The following STAMBPL1 variants were observed in gnomAD, a reference collection of about 807,000 sequenced individuals.
The protein encoded by STAMBPL1 is AMSH-like protease.
STAMBPL1 carries 44 observed loss-of-function variants against 52.9 expected under a neutral mutation model. The ratio of observed to expected loss-of-function variants is 0.83; its 90% confidence interval spans 0.65 to 1.07. The LOEUF (loss-of-function observed/expected upper bound fraction) is 1.07, where lower values mean the gene tolerates loss of function less well. STAMBPL1 is among the 50% of genes least tolerant of loss of function. The pLI is 0.00. For missense variants in STAMBPL1, 511 were observed against 520.8 expected (o/e 0.98, Z 0.18); for synonymous variants, 164 against 177.3 (o/e 0.92, Z 0.60).
chr10:88,909,089 A>G (rs1375626340), intron 4 of STAMBPL1, among the ~76,000 whole-genome samples: 2 of 152,188 alleles, frequency 1.3e-5, no homozygotes, highest in Non-Finnish European at 2.9e-5. Flanking sequence ...CTTCTTTCAG[A>G]TGGTCATTTT....
intron 4 of STAMBPL1, among the ~76,000 whole-genome samples, chr10:88,910,034 C>G (rs1338207577): frequency 6.6e-6 from 1 of 152,138 alleles, no homozygotes; most frequent in African/African-American, 2.4e-5. Context: ...ACCAGGCTGT[C>G]ACGGTGACTC....
intron 5 of STAMBPL1, among the ~76,000 whole-genome samples, chr10:88,912,161 C>T (rs1845241670): frequency 6.6e-6 from 1 of 152,170 alleles, no homozygotes; most frequent in Admixed American, 6.5e-5. Flanking sequence ...CATTTGGAAG[C>T]TTGTTAGACA....
Position 88,913,206 on chromosome 10 carries a change from C to G in STAMBPL1, c.526C>G (p.Gln176Glu). 1.2e-6 allele frequency: 2 copies of G among 1,613,836 alleles called. No homozygotes were observed. The highest frequency in any genetic ancestry group is 1.7e-6 in the Non-Finnish European group (2 of 1,179,838). ...GCGCCAGCAGCAGCTAGAATCGGAG[C>G]AGTTTCTGTTTTTCGAAGATCAACT... ...QMRQQQLESE[Q>E]FLFFEDQLKK... Residue 176 changes from glutamine (Q) to glutamate (E), a missense_variant, in exon 6 of 11, where the codon CAG (glutamine) becomes GAG (glutamate). By Grantham distance (29) the Gln-to-Glu change is conservative (BLOSUM62 2). Coordinates refer to ENST00000371926, the MANE Select transcript of STAMBPL1 (RefSeq NM_020799.4).
chr10:88,908,338 C>T (rs552494012), intron 3 of STAMBPL1, among the ~76,000 whole-genome samples: 2 of 152,126 alleles, frequency 1.3e-5, no homozygotes, highest in Admixed American at 6.5e-5. Context: ...ATTTACATCA[C>T]TCTTTCCATG....
intron 2 of STAMBPL1, 77 bp from the exon 3 acceptor site, chr10:88,905,366 A>C: frequency 8.9e-7 from 1 of 1,127,028 alleles, no homozygotes; most frequent in Non-Finnish European, 1.3e-6. Flanking sequence ...CATAAAGAAC[A>C]TATGTCCATA....
chr10:88,921,141 T>A, intron 8 of STAMBPL1, 142 bp from the exon 9 acceptor site: 1 of 599,372 alleles, frequency 1.7e-6, no homozygotes, highest in Non-Finnish European at 2.8e-6. Flanking sequence ...AGGGAAGGAT[T>A]ATGTCAGCAA....
At chr10:88,922,492 A>C in intron 10 of STAMBPL1, 56 bp downstream of exon 10, 1 of 1,514,716 alleles carries the variant, frequency 6.6e-7, no homozygotes, top group Non-Finnish European at 9.1e-7. Context: ...TGCCCCCCCA[A>C]TCTGTTTTTA....
At position 88,921,646 on chromosome 10, in the gene STAMBPL1, A is replaced by G. The variant is rs182774230; in HGVS notation, c.1154+251A>G. 5.9e-5 allele frequency among the ~76,000 whole-genome samples: 9 copies of G among 152,288 alleles called. No homozygotes were observed. In the East Asian group the frequency reaches 1.7e-3, roughly 29 times the overall value. On this transcript the variant is annotated intron_variant, in intron 9 of 10. Transcript: ENST00000371926. ...GTGAATAACATTTAAGAAAGATGCT[A>G]TCCCAGTTAGCCTTTTTAGGACTTA...
chr10:88,899,708 C>T (rs1156272991), intron 1 of STAMBPL1, among the ~76,000 whole-genome samples: 1 of 152,130 alleles, frequency 6.6e-6, no homozygotes, highest in Admixed American at 6.5e-5. Flanking sequence ...CGGAGTTTCA[C>T]CACGTTGCCC....
At position 88,891,547 on chromosome 10, in the gene STAMBPL1, G is replaced by A. The variant is rs940441530; in HGVS notation, c.-53-10109G>A. On this transcript the variant is annotated intron_variant, in intron 1 of 10. Transcript: ENST00000371926. The stretch of plus-strand genomic sequence containing the variant: ...ATAAAGAGAAAAATAGTATCGTGGA[G>A]AAACCTGACCGATATAACTTAAACA... Among the ~76,000 whole-genome samples the A allele has an allele frequency of 2.0e-5, 3 of 152,188 alleles. No homozygotes were observed. In the South Asian group the frequency reaches 6.2e-4, roughly 31 times the overall value.
chr10:88,914,493 T>A, intron 6 of STAMBPL1, 41 bp from the exon 7 acceptor site: 2 of 1,421,412 alleles, frequency 1.4e-6, no homozygotes, highest in Non-Finnish European at 1.9e-6. Context: ...ATGGGACATA[T>A]AGTTTGTTTT....
In STAMBPL1 at chr10:88,910,942, G is replaced by C. The variant is rs201314718; in HGVS notation, c.351G>C (p.Arg117Ser). The part of the protein sequence containing the change: ...MKKLKEIAFP[R>S]TDELKNDLLK... ...AACTGAAGGAGATTGCATTCCCAAG[G>C]ACAGATGAATTGAAAAACGACCTTT... The change falls in exon 5 of 11, where the codon AGG becomes AGC. Residue 117 changes from arginine (R) to serine (S), a missense_variant. By Grantham distance (110) the Arg-to-Ser change is moderately radical. Around this residue, in one of 3 missense-constraint regions of STAMBPL1, gnomAD observed 358 missense variants for 343.5 expected, o/e 1.04. Coordinates refer to ENST00000371926, the MANE Select transcript of STAMBPL1 (RefSeq NM_020799.4). The C allele has an allele frequency of 1.8e-4, 295 of 1,596,556 alleles. No individual in the cohort carries two copies. Among genetic ancestry groups the C allele is most frequent in the Non-Finnish European group, 2.3e-4 (265 of 1,174,462 alleles).
chr10:88,902,308 C>T (rs1210969928), intron 2 of STAMBPL1, among the ~76,000 whole-genome samples: 1 of 152,088 alleles, frequency 6.6e-6, no homozygotes, highest in Non-Finnish European at 1.5e-5. Flanking sequence ...ATCTCCATGG[C>T]CCTGATTTTG....
At chr10:88,910,286 C>T (rs562293655) in intron 4 of STAMBPL1, among the ~76,000 whole-genome samples, 145 of 152,180 alleles carry the variant, frequency 9.5e-4, no homozygotes, top group African/African-American at 3.3e-3. Flanking sequence ...TCTCTCCAGG[C>T]CTTTGTATCC....
At chr10:88,889,864 T>G (rs1322127346) in intron 1 of STAMBPL1, among the ~76,000 whole-genome samples, 2 of 152,240 alleles carry the variant, frequency 1.3e-5, no homozygotes, top group Non-Finnish European at 2.9e-5. Flanking sequence ...AATTCATTTG[T>G]TATGCCTCCT....
At chr10:88,908,809 CA>C in intron 4 of STAMBPL1, 32 bp downstream of exon 4, 1 of 1,543,434 alleles carries the variant, frequency 6.5e-7, no homozygotes, top group Non-Finnish European at 8.8e-7. Flanking sequence ...ACTGTGGAAT[CA>C]AATGCTCCAT....
intron 8 of STAMBPL1, among the ~76,000 whole-genome samples, chr10:88,920,730 T>C (rs1845488940): frequency 6.6e-6 from 1 of 152,126 alleles, no homozygotes; most frequent in Non-Finnish European, 1.5e-5. Flanking sequence ...CTTCAACAAC[T>C]TGGAGTCTCC....
chr10:88,893,722 C>T (rs1844744105), intron 1 of STAMBPL1: 1 of 152,180 alleles, frequency 6.6e-6, no homozygotes, highest in Admixed American at 6.5e-5. Context: ...GCCTGGGCAA[C>T]AAGAGTGAAA....
chr10:88,884,121 G>T (rs1323771682), intron 1 of STAMBPL1, among the ~76,000 whole-genome samples: 1 of 152,110 alleles, frequency 6.6e-6, no homozygotes, highest in African/African-American at 2.4e-5. Context: ...AGTCAAATGA[G>T]ATTCTCAATT....
Sources: gnomAD v4.1 joint callset for allele counts (sites outside exome capture counted in the v4.1 genomes callset) on GRCh38, gnomAD v4.1.1 for gene constraint, gnomAD v4.1.1 regional missense constraint, MANE v1.5 for transcripts, NCBI Gene and HGNC (gene_info 2026-07-23, HGNC 2026-07-21) for gene names.